Variants in UGT2A1 observed in about 807,000 individuals in gnomAD.
UGT2A1 encodes the protein UDP-glucuronosyltransferase 2A1.
Under a neutral mutation model 45.4 loss-of-function variants are expected in UGT2A1, and 61 were observed. The observed-to-expected ratio is 1.34, with a 90% confidence interval of 1.09 to 1.66. The LOEUF is 1.66. Ranked by LOEUF, UGT2A1 falls within the 40% of genes most tolerant of loss-of-function variation. The pLI is 0.00. For synonymous variants in UGT2A1, 229 were observed against 196.2 expected, an observed-to-expected ratio of 1.17 and a Z score of -1.40; for missense variants, 649 against 574.3, an observed-to-expected ratio of 1.13 and a Z score of -1.33.
At chr4:69,603,065 T>G (rs112985806) in intron 3 of UGT2A1, among the ~76,000 whole-genome samples, 2,107 of 133,776 alleles carry the variant, frequency 0.016, 511 homozygotes, top group African/African-American at 0.061. Flanking sequence ...AGACTCCATC[T>G]AAAAAAAATA....
intron 6 of UGT2A1, among the ~76,000 whole-genome samples, chr4:69,591,597 A>T (rs1340636765): frequency 6.6e-6 from 1 of 152,146 alleles, no homozygotes; most frequent in Non-Finnish European, 1.5e-5. Flanking sequence ...ATACTAAGGC[A>T]TATTTGACCC....
intron 3 of UGT2A1, among the ~76,000 whole-genome samples, chr4:69,609,966 C>CA (rs1320217082): frequency 6.6e-6 from 1 of 152,014 alleles, no homozygotes; most frequent in East Asian, 1.9e-4. Flanking sequence ...GTATACATTT[C>CA]AAAAAACTAA....
chr4:69,647,636 G>A lies in UGT2A1; in HGVS notation c.9C>T (p.Asn3=). The part of the protein sequence containing the change: ML[N]NLLLFSLQIS... ...TCTGAAGGGAGAACAGCAGAAGGTTGTTTAACATGATGTGGCTTGATGCAG... is the reference window on the plus strand; with the variant it reads ...TCTGAAGGGAGAACAGCAGAAGGTTATTTAACATGATGTGGCTTGATGCAG... The change falls in exon 2 of 7, where the codon AAC becomes AAT. Residue 3 remains asparagine (N), a synonymous_variant. Transcript: ENST00000286604. 2 of 1,566,568 alleles carry A rather than the reference G, an allele frequency of 1.3e-6. No individual in the cohort carries two copies. The highest frequency in any genetic ancestry group is 1.7e-6 in the Non-Finnish European group (2 of 1,158,188).
At chr4:69,600,900 C>G (rs985434589) in intron 3 of UGT2A1, among the ~76,000 whole-genome samples, 1 of 152,082 alleles carries the variant, frequency 6.6e-6, no homozygotes, top group African/African-American at 2.4e-5. Context: ...GAATACTCTA[C>G]CCCCATGATC....
chr4:69,609,015 G>T (rs182146756), intron 3 of UGT2A1, among the ~76,000 whole-genome samples: 85 of 151,988 alleles, frequency 5.6e-4, no homozygotes, highest in African/African-American at 2.0e-3. Flanking sequence ...TAAAGAGTAT[G>T]ATTAATATAT....
rs375661909 is a variant in UGT2A1 at position 69,646,883 on chromosome 4, G to C, written c.715+47C>G. Reference sequence around the variant, plus strand: ...GAAATAAAGAAGAGGCTCTACAAAGGTCTGTTTGTTCAAATTCAAGTAATA... The same window carrying C: ...GAAATAAAGAAGAGGCTCTACAAAGCTCTGTTTGTTCAAATTCAAGTAATA... On this transcript the variant is annotated intron_variant, in intron 2 of 6. Transcript: ENST00000286604. The C allele has an allele frequency of 3.7e-6, 5 of 1,340,452 alleles. No homozygotes were observed. In the African/African-American group the frequency reaches 5.9e-5, roughly 16 times the overall value. The allele number at this position is 1,340,452 out of a possible 1,614,324, so 83.0% of individuals were successfully genotyped here.
intron 3 of UGT2A1, among the ~76,000 whole-genome samples, chr4:69,618,383 C>T (rs1253809878): frequency 1.3e-5 from 2 of 151,790 alleles, no homozygotes; most frequent in African/African-American, 4.8e-5. Flanking sequence ...GATTCCACTA[C>T]AGGTTGGCAA....
In UGT2A1 at chr4:69,634,449, C is replaced by G. The variant is rs531781638; in HGVS notation, c.847+1242G>C. 2.0e-5 allele frequency among the ~76,000 whole-genome samples: 3 copies of G among 152,022 alleles called. No homozygotes were observed. In the South Asian group the frequency reaches 6.3e-4, roughly 32 times the overall value. ...AGGAAACGGAGAGAAGCAATAAATA[C>G]AACACTGGGCCCAGAAAAGAAACTA... On this transcript the variant is annotated intron_variant, in intron 3 of 6. Coordinates refer to ENST00000286604, the MANE Select transcript of UGT2A1 (RefSeq NM_001252275.3).
intron 3 of UGT2A1, among the ~76,000 whole-genome samples, chr4:69,607,610 A>C (rs7693686): frequency 0.14 from 21,091 of 151,998 alleles, 1,587 homozygotes; most frequent in Non-Finnish European, 0.18. Flanking sequence ...AGGAAAAGAA[A>C]CTACCATCAG....
chr4:69,610,525 A>G (rs1719971132), intron 3 of UGT2A1, among the ~76,000 whole-genome samples: 1 of 152,188 alleles, frequency 6.6e-6, no homozygotes, highest in South Asian at 2.1e-4. Context: ...ACAAACTTTA[A>G]ATAATCTGTT....
chr4:69,594,710 G>A lies in UGT2A1; in HGVS notation c.1085-14C>T, dbSNP rs772533495. On this transcript the variant is annotated splice_polypyrimidine_tract_variant and intron_variant, in intron 5 of 6. Coordinates refer to ENST00000286604, the MANE Select transcript of UGT2A1 (RefSeq NM_001252275.3). The stretch of plus-strand genomic sequence containing the variant: ...TTTTGGGATGTCCTAATTTGAGGAT[G>A]GAGTGAGAAGTGGGTGTGTAATAAT... 2.5e-6 allele frequency: 4 copies of A among 1,608,094 alleles called. No individual in the cohort carries two copies. In the African/African-American group the frequency reaches 4.0e-5, roughly 16 times the overall value.
intron 2 of UGT2A1, among the ~76,000 whole-genome samples, chr4:69,646,636 G>C (rs1373893602): frequency 6.6e-6 from 1 of 151,614 alleles, no homozygotes; most frequent in African/African-American, 2.4e-5. Flanking sequence ...TTTCTATTTT[G>C]AGCATAATTA....
At chr4:69,645,759 G>C (rs1043344171) in intron 2 of UGT2A1, among the ~76,000 whole-genome samples, 5 of 151,816 alleles carry the variant, frequency 3.3e-5, no homozygotes, top group African/African-American at 1.2e-4. Context: ...AGGAGACTTT[G>C]AAATATTCAT....
chr4:69,592,154 C>T (rs1473914292), intron 6 of UGT2A1, among the ~76,000 whole-genome samples: 1 of 152,090 alleles, frequency 6.6e-6, no homozygotes, highest in Non-Finnish European at 1.5e-5. Flanking sequence ...AAGCAGGTTA[C>T]TTCCGTTAAG....
At chr4:69,599,067 T>G (rs1719100580) in intron 4 of UGT2A1, among the ~76,000 whole-genome samples, 179 bp downstream of exon 4, 1 of 152,150 alleles carries the variant, frequency 6.6e-6, no homozygotes, top group African/African-American at 2.4e-5. Flanking sequence ...AAATTGTCAA[T>G]GTAAAGTTCA....
At chr4:69,614,157 T>G (rs1486537636) in intron 3 of UGT2A1, among the ~76,000 whole-genome samples, 6 of 151,610 alleles carry the variant, frequency 4.0e-5, no homozygotes, top group Non-Finnish European at 5.9e-5. Flanking sequence ...CATACAAATA[T>G]CAGTGGCATT....
intron 3 of UGT2A1, among the ~76,000 whole-genome samples, chr4:69,622,709 G>A (rs1035272993): frequency 2.6e-5 from 4 of 151,694 alleles, no homozygotes; most frequent in African/African-American, 9.7e-5. Context: ...TTCTATACTT[G>A]ATGTCTAGGC....
chr4:69,592,851 A>G (rs1718668852), intron 6 of UGT2A1, among the ~76,000 whole-genome samples: 1 of 152,134 alleles, frequency 6.6e-6, no homozygotes, highest in African/African-American at 2.4e-5. Context: ...ATAATTTTTT[A>G]TCTTAGATTA....
chr4:69,600,624 A>AT (rs1191497956), intron 3 of UGT2A1, among the ~76,000 whole-genome samples: 2 of 152,062 alleles, frequency 1.3e-5, no homozygotes, highest in Non-Finnish European at 2.9e-5. Context: ...TGAGTAATTT[A>AT]TTTTTTTAAA....
Sources: allele counts gnomAD v4.1 joint callset (sites outside exome capture counted in the v4.1 genomes callset), GRCh38; gene constraint gnomAD v4.1.1; transcripts MANE v1.5; gene names NCBI Gene and HGNC (gene_info 2026-07-23, HGNC 2026-07-21).